The following VWA2 variants were observed in gnomAD, a reference collection of about 807,000 sequenced individuals.
VWA2 encodes the protein von Willebrand factor A domain-containing protein 2.
VWA2 carries 73 observed loss-of-function variants against 70.4 expected under a neutral mutation model. The observed-to-expected ratio is 1.04, with a 90% confidence interval of 0.86 to 1.26. The LOEUF is 1.26. Among genes scored for constraint, VWA2 ranks in the 50% most tolerant of loss-of-function variants. VWA2 has a pLI of 0.00. For missense variants in VWA2, 1,011 were observed against 998.5 expected (o/e 1.01, Z -0.17); for synonymous variants, 407 against 423.3 (o/e 0.96, Z 0.47).
chr10:114,283,772 C>T (rs1298739910), intron 9 of VWA2, among the ~76,000 whole-genome samples: 1 of 152,254 alleles, frequency 6.6e-6, no homozygotes, highest in Non-Finnish European at 1.5e-5. Context: ...AGGCCACTGT[C>T]GTCGATCTCA....
At chr10:114,245,016 T>C (rs973088745) in intron 1 of VWA2, among the ~76,000 whole-genome samples, 2 of 152,196 alleles carry the variant, frequency 1.3e-5, no homozygotes, top group Non-Finnish European at 2.9e-5. Context: ...AAGACAAACG[T>C]ATCACTGGGC....
chr10:114,275,666 G>A (rs768910228), intron 6 of VWA2, among the ~76,000 whole-genome samples: 10 of 152,150 alleles, frequency 6.6e-5, no homozygotes, highest in Non-Finnish European at 1.3e-4. Context: ...GGTGGCTCAC[G>A]CCTGTAATCC....
At chr10:114,251,030 G>T (rs553868634) in intron 2 of VWA2, among the ~76,000 whole-genome samples, 1 of 152,292 alleles carries the variant, frequency 6.6e-6, no homozygotes, top group East Asian at 1.9e-4. Flanking sequence ...CCTACTCCTG[G>T]GCTGGCTGTA....
chr10:114,290,099 C>A, intron 12 of VWA2, 141 bp from the exon 13 acceptor site: 1 of 1,131,190 alleles, frequency 8.8e-7, no homozygotes, highest in Non-Finnish European at 1.2e-6. Flanking sequence ...AAGTGGTATG[C>A]AGCACCAACC....
At chr10:114,252,053 G>A (rs762285408) in intron 2 of VWA2, among the ~76,000 whole-genome samples, 4 of 152,108 alleles carry the variant, frequency 2.6e-5, no homozygotes, top group South Asian at 2.1e-4. Flanking sequence ...GTGATCCACC[G>A]CCTCAGTCTC....
chr10:114,262,539 T>TCACAGC (rs2037467629), intron 5 of VWA2, among the ~76,000 whole-genome samples: 1 of 152,132 alleles, frequency 6.6e-6, no homozygotes, highest in African/African-American at 2.4e-5. Flanking sequence ...AAGTCCATGG[T>TCACAGC]CACAGCCATT....
chr10:114,278,903 CCT>C, intron 8 of VWA2, 52 bp downstream of exon 8: 1 of 1,606,692 alleles, frequency 6.2e-7, no homozygotes, highest in East Asian at 2.2e-5. Flanking sequence ...GGCCCCCACC[CCT>C]GAGCTGCGGG....
intron 1 of VWA2, among the ~76,000 whole-genome samples, chr10:114,242,588 C>T (rs1350322899): frequency 2.6e-5 from 4 of 151,998 alleles, no homozygotes; most frequent in East Asian, 1.9e-4. Context: ...CTCTGTGTAC[C>T]GCATGTCTCT....
chr10:114,248,555 G>A (rs1448505166), intron 1 of VWA2, 149 bp from the exon 2 acceptor site: 10 of 648,462 alleles, frequency 1.5e-5, no homozygotes, highest in Non-Finnish European at 2.8e-5. Context: ...CTTGGGAATT[G>A]GGGACTTTTC....
chr10:114,291,311 A>C lies in VWA2; in HGVS notation c.*74A>C. 1 of 1,472,058 alleles carries C rather than the reference A, an allele frequency of 6.8e-7. No individual in the cohort carries two copies. The allele number at this position is 1,472,058 out of a possible 1,614,324, so 91.2% of individuals were successfully genotyped here. On this transcript the variant is annotated 3_prime_UTR_variant, in exon 14 of 14. Transcript: ENST00000392982. ...ACTACAGAGAAGGCCTGGGCACTGA[A>C]ATGGTGCCTACCTTCTGGAATGTCT... is the stretch of plus-strand genomic sequence containing the variant.
At position 114,289,194 on chromosome 10, in the gene VWA2, A is replaced by G. The variant is rs1176054779; in HGVS notation, c.1827A>G (p.Ser609=). 2 of 1,613,506 alleles carry G rather than the reference A, an allele frequency of 1.2e-6. No individual in the cohort carries two copies. The highest frequency in any genetic ancestry group is 1.7e-6 in the Non-Finnish European group (2 of 1,179,806). ...SQAPYLGGVG[S]AGTALLHIYD... Reference sequence around the variant, plus strand: ...CCCCCTACCTAGGTGGGGTGGGCTCAGCCGGCACCGCCCTGCTGCACATCT... The same window carrying G: ...CCCCCTACCTAGGTGGGGTGGGCTCGGCCGGCACCGCCCTGCTGCACATCT... Residue 609 remains serine (S), a synonymous_variant, in exon 12 of 14, where the codon TCA becomes TCG. Transcript: ENST00000392982.
At chr10:114,271,072 C>T (rs2037697554) in intron 5 of VWA2, among the ~76,000 whole-genome samples, 1 of 152,124 alleles carries the variant, frequency 6.6e-6, no homozygotes, top group Non-Finnish European at 1.5e-5. Flanking sequence ...TTATTTGTAT[C>T]CTTGCATTCC....
chr10:114,249,422 AT>A (rs1269649473), intron 2 of VWA2, among the ~76,000 whole-genome samples: 1 of 151,976 alleles, frequency 6.6e-6, no homozygotes, highest in African/African-American at 2.4e-5. Flanking sequence ...CACCCGGCTA[AT>A]TTTTGTATTT....
intron 7 of VWA2, 57 bp downstream of exon 7, chr10:114,278,104 C>T (rs2037894346): frequency 1.3e-6 from 2 of 1,575,102 alleles, no homozygotes; most frequent in East Asian, 4.5e-5. Flanking sequence ...GGGAGGGCTC[C>T]CTGAGGCAAG....
Position 114,293,750 on chromosome 10 carries a change from G to T in VWA2, c.*2513G>T, listed in dbSNP as rs1469723034. ...TCCAGTCATCTTGTTGAATACCCTA[G>T]TTCTAATAATTGACTCTTGCTTTTC... On this transcript the variant is annotated 3_prime_UTR_variant, in exon 14 of 14. Transcript: ENST00000392982. Among the ~76,000 whole-genome samples, 1 of 152,078 alleles carries T rather than the reference G, an allele frequency of 6.6e-6. No homozygotes were observed. The highest frequency in any genetic ancestry group is 2.4e-5 in the African/African-American group (1 of 41,412).
chr10:114,244,856 C>A (rs1429281472), intron 1 of VWA2, among the ~76,000 whole-genome samples: 1 of 152,228 alleles, frequency 6.6e-6, no homozygotes, highest in Non-Finnish European at 1.5e-5. Flanking sequence ...CTGAAAGGGT[C>A]CCTCTAGCCC....
At chr10:114,282,869 C>T (rs1026116305) in intron 9 of VWA2, among the ~76,000 whole-genome samples, 1 of 152,114 alleles carries the variant, frequency 6.6e-6, no homozygotes, top group Non-Finnish European at 1.5e-5. Context: ...AAAGCCAGCA[C>T]CAAACTCAGG....
At chr10:114,274,948 G>C (rs942925661) in intron 6 of VWA2, among the ~76,000 whole-genome samples, 1 of 152,146 alleles carries the variant, frequency 6.6e-6, no homozygotes, top group Admixed American at 6.5e-5. Context: ...CGGGGGAAGA[G>C]CACGGGACAT....
intron 5 of VWA2, among the ~76,000 whole-genome samples, chr10:114,270,874 C>A (rs981672220): frequency 1.3e-5 from 2 of 152,168 alleles, no homozygotes; most frequent in African/African-American, 4.8e-5. Flanking sequence ...AAGCTCTGCT[C>A]GCTAGCTCCA....
Sources: gnomAD v4.1 joint callset for allele counts (sites outside exome capture counted in the v4.1 genomes callset) on GRCh38, gnomAD v4.1.1 for gene constraint, MANE v1.5 for transcripts, NCBI Gene and HGNC (gene_info 2026-07-23, HGNC 2026-07-21) for gene names.